KLC1: variants seen among roughly 807,000 people sequenced by gnomAD.
KLC1 encodes the protein kinesin 2 60/70kDa.
KLC1 carries 30 observed loss-of-function variants against 84.2 expected under a neutral mutation model. That is an observed-to-expected ratio of 0.36 (90% CI 0.27 to 0.48). The LOEUF (loss-of-function observed/expected upper bound fraction) is 0.48, where lower values mean the gene tolerates loss of function less well. KLC1 is among the 20% of genes least tolerant of loss of function. KLC1 has a pLI of 0.99. For synonymous variants in KLC1, 289 were observed against 293.3 expected (o/e 0.99, Z 0.15); for missense variants, 499 against 805.4 (o/e 0.62, Z 4.60).
chr14:103,701,127 T>C, intron 16 of KLC1, 74 bp from the exon 17 acceptor site: 1 of 1,527,906 alleles, frequency 6.5e-7, no homozygotes, highest in Non-Finnish European at 8.9e-7. Context: ...CCCAGAGAGC[T>C]GTTTCCAGAA....
intron 14 of KLC1, among the ~76,000 whole-genome samples, chr14:103,688,316 GT>G (rs1241698967): frequency 4.6e-5 from 7 of 152,002 alleles, no homozygotes; most frequent in Non-Finnish European, 8.8e-5. Flanking sequence ...CGCCTGGCTA[GT>G]TTTTTGTATT....
intron 3 of KLC1, among the ~76,000 whole-genome samples, chr14:103,661,877 G>GA (rs2079323868): frequency 6.6e-6 from 1 of 152,134 alleles, no homozygotes; most frequent in Non-Finnish European, 1.5e-5. Flanking sequence ...ATGCAGCCAT[G>GA]GCCCATTTCG....
intron 13 of KLC1, among the ~76,000 whole-genome samples, chr14:103,684,528 C>T (rs531987257): frequency 6.6e-6 from 1 of 152,332 alleles, no homozygotes; most frequent in South Asian, 2.1e-4. Context: ...GGCAGACTGA[C>T]CCAGAGTGGG....
chr14:103,643,147 A>G (rs544687243), intron 1 of KLC1, among the ~76,000 whole-genome samples: 185 of 152,372 alleles, frequency 1.2e-3, no homozygotes, highest in Non-Finnish European at 2.2e-3. Context: ...CCATATTGAT[A>G]TAAATAATTA....
chr14:103,638,010 C>G (rs1428812832), intron 1 of KLC1, among the ~76,000 whole-genome samples: 1 of 152,096 alleles, frequency 6.6e-6, no homozygotes, highest in East Asian at 1.9e-4. Context: ...CTATTTATTT[C>G]CCTGAATATG....
intron 5 of KLC1, among the ~76,000 whole-genome samples, chr14:103,664,771 C>T (rs527482805): frequency 4.0e-5 from 6 of 150,260 alleles, no homozygotes; most frequent in African/African-American, 1.5e-4. Flanking sequence ...CAGCTCGGTA[C>T]CCCATAGTGC....
Position 103,675,992 on chromosome 14 carries a change from T to G in KLC1, c.1379+236T>G, listed in dbSNP as rs141877913. Among the ~76,000 whole-genome samples, 7 of 152,350 alleles carry G rather than the reference T, an allele frequency of 4.6e-5. No homozygotes were observed. The East Asian group carries it at 1.4e-3, about 29-fold the overall frequency. ...AAGGTAATTGCGATTTTGCCATTAC[T>G]TTTACTTTTAATGGCAGAAACCATA... On this transcript the variant is annotated intron_variant, in intron 11 of 16. Coordinates refer to ENST00000334553, the MANE Select transcript of KLC1 (RefSeq NM_001394837.1).
At chr14:103,700,222 C>G (rs1221233442) in intron 15 of KLC1, 1 of 203,432 alleles carries the variant, frequency 4.9e-6, no homozygotes, top group African/African-American at 2.3e-5. Flanking sequence ...GCATCCAGGC[C>G]TTAGCCCTGT....
intron 15 of KLC1, chr14:103,698,267 CAAGGACCCAGAGGTGGGTGAG>C (rs569340535): frequency 8.8e-4 from 156 of 176,292 alleles, no homozygotes; most frequent in Admixed American, 2.4e-3. Flanking sequence ...CCCCGGGAGC[CAAGGACCCAGAGGTGGGTGAG>C]GAGGAGCCGC....
chr14:103,684,903 C>T (rs1343124417), intron 13 of KLC1: 2 of 722,288 alleles, frequency 2.8e-6, no homozygotes, highest in Non-Finnish European at 5.1e-6. Context: ...TCCTTTTTCT[C>T]AAGAGCAGCA....
intron 14 of KLC1, among the ~76,000 whole-genome samples, chr14:103,689,306 G>A (rs923772717): frequency 3.3e-5 from 5 of 152,078 alleles, no homozygotes; most frequent in Admixed American, 1.3e-4. Context: ...CTGTTTTCTC[G>A]TGTTTTGTGT....
At position 103,675,236 on chromosome 14, in the gene KLC1, A is replaced by G. The variant is rs534975910; in HGVS notation, c.1262-316A>G. On this transcript the variant is annotated intron_variant, in intron 9 of 16. Coordinates refer to ENST00000334553, the MANE Select transcript of KLC1 (RefSeq NM_001394837.1). ...GCTACTTGAGAGGCTGAGGCAGGAG[A>G]GTCACTTGAACCCAGGAGCTGGAGG... is the stretch of plus-strand genomic sequence containing the variant. Among the ~76,000 whole-genome samples the G allele has an allele frequency of 3.9e-4, 60 of 152,232 alleles. 1 individual carries two copies. In the South Asian group the frequency reaches 7.9e-3, roughly 20 times the overall value.
intron 3 of KLC1, among the ~76,000 whole-genome samples, chr14:103,658,424 CTAAG>C (rs1369057094): frequency 7.3e-6 from 1 of 137,540 alleles, no homozygotes; most frequent in Non-Finnish European, 1.5e-5. Context: ...CCATGCCCAG[CTAAG>C]TTTTTTTTTT....
At chr14:103,657,281 T>C (rs192027738) in intron 2 of KLC1, among the ~76,000 whole-genome samples, 12 of 152,346 alleles carry the variant, frequency 7.9e-5, no homozygotes, top group Admixed American at 6.5e-4. Context: ...TGTGTTTTCA[T>C]TGCTAGTTCA....
intron 1 of KLC1, among the ~76,000 whole-genome samples, chr14:103,632,202 G>A (rs2076739113): frequency 6.6e-6 from 1 of 152,014 alleles, no homozygotes; most frequent in African/African-American, 2.4e-5. Context: ...GAGGCAGGTG[G>A]ATCACCTGAG....
At position 103,679,368 on chromosome 14, in the gene KLC1, C is replaced by T; in HGVS notation, c.1489-16C>T. 6.2e-7 allele frequency: 1 copy of T among 1,613,640 alleles called. No individual in the cohort carries two copies. Among genetic ancestry groups the T allele is most frequent in the South Asian group, 1.1e-5 (1 of 91,028 alleles). The stretch of plus-strand genomic sequence containing the variant: ...GTGCTAATGGGTCAAACCATTTTCC[C>T]CTGCCTGGCTCACAGGGTCTTGACA... On this transcript the variant is annotated splice_polypyrimidine_tract_variant and intron_variant, in intron 12 of 16. Transcript: ENST00000334553.
At chr14:103,633,185 G>A (rs1208724017) in intron 1 of KLC1, among the ~76,000 whole-genome samples, 1 of 151,948 alleles carries the variant, frequency 6.6e-6, no homozygotes, top group East Asian at 1.9e-4. Context: ...AGCCTCCCGA[G>A]TAGCTGGGAC....
intron 5 of KLC1, among the ~76,000 whole-genome samples, 184 bp downstream of exon 5, chr14:103,663,111 GTT>G (rs1292597163): frequency 1.4e-5 from 2 of 148,048 alleles, no homozygotes; most frequent in Non-Finnish European, 3.0e-5. Context: ...ACGGAGTCTC[GTT>G]CTGTCACCCA....
chr14:103,694,460 T>A lies in KLC1; in HGVS notation c.1848+2035T>A. 2.0e-6 allele frequency: 2 copies of A among 985,420 alleles called. No individual in the cohort carries two copies. The highest frequency in any genetic ancestry group is 2.4e-6 in the Non-Finnish European group (2 of 829,946). The allele number at this position is 985,420 out of a possible 1,614,324, so 61.0% of individuals were successfully genotyped here. ...ATCCTGGCTAACATGGCGTTTCACTTTTTAAAAGCTTAAGCTTTATGGAAT... is the reference window on the plus strand; with the variant it reads ...ATCCTGGCTAACATGGCGTTTCACTATTTAAAAGCTTAAGCTTTATGGAAT... On this transcript the variant is annotated intron_variant, in intron 15 of 16. Coordinates refer to ENST00000334553, the MANE Select transcript of KLC1 (RefSeq NM_001394837.1). This position sits in a 1 kb window ranked among gnomAD's most constrained non-coding sequence, Gnocchi z 4.5.
Sources: allele counts gnomAD v4.1 joint callset (sites outside exome capture counted in the v4.1 genomes callset), GRCh38; gene constraint gnomAD v4.1.1; non-coding constraint Gnocchi (gnomAD v3.1); transcripts MANE v1.5; gene names NCBI Gene and HGNC (gene_info 2026-07-23, HGNC 2026-07-21).